The following SRRD variants were observed in gnomAD, a reference collection of about 807,000 sequenced individuals.
The protein encoded by SRRD is SRR1 domain containing, also known as SRR1-like protein.
Under a neutral mutation model 30.7 loss-of-function variants are expected in SRRD, and 28 were observed. The observed-to-expected ratio is 0.91, with a 90% confidence interval of 0.68 to 1.25. The LOEUF (loss-of-function observed/expected upper bound fraction) is 1.25, where lower values mean the gene tolerates loss of function less well. Ranked by LOEUF, SRRD falls within the 50% of genes most tolerant of loss-of-function variation. The pLI, the probability that SRRD is intolerant of heterozygous loss-of-function variation, is 0.00. For missense variants in SRRD, 415 were observed against 417.3 expected (o/e 0.99, Z 0.05); for synonymous variants, 161 against 159.6 (o/e 1.01, Z -0.07).
chr22:26,492,340 C>T lies in SRRD; in HGVS notation c.*668C>T, dbSNP rs1921314908. On this transcript the variant is annotated 3_prime_UTR_variant, in exon 7 of 7. Coordinates refer to ENST00000215917, the MANE Select transcript of SRRD (RefSeq NM_001013694.3). ...CCGTGTGGGTGAGATAGGCAATGTT[C>T]TCCCGTGCTCCTGGCTGCATGTAGG... The T allele has an allele frequency of 6.2e-7, 1 of 1,614,180 alleles. No homozygotes were observed. The highest frequency in any genetic ancestry group is 8.5e-7 in the Non-Finnish European group (1 of 1,180,018).
At chr22:26,489,625 T>C (rs2091733928) in intron 4 of SRRD, among the ~76,000 whole-genome samples, 1 of 152,030 alleles carries the variant, frequency 6.6e-6, no homozygotes, top group African/African-American at 2.4e-5. Flanking sequence ...GGAGGGGTGA[T>C]TGTGCCTCAG....
rs1337718624 is a variant in SRRD at position 26,488,056 on chromosome 22, A to G, written c.278A>G (p.His93Arg). Residue 93 changes from histidine to arginine, a missense_variant, in exon 3 of 7, where the codon CAT (histidine) becomes CGT (arginine). Transcript: ENST00000215917. The part of the protein sequence containing the change: ...LETINRCLTK[H>R]LEQLKAPVGT... ...ACCATCAATAGATGTCTCACAAAAC[A>G]TCTGGAACAACTGAAGGCCCCTGTG... 2 of 1,612,968 alleles carry G rather than the reference A, an allele frequency of 1.2e-6. No homozygotes were observed. The highest frequency in any genetic ancestry group is 2.2e-5 in the East Asian group (1 of 44,856).
Position 26,488,400 on chromosome 22 carries a change from G to A in SRRD, c.521G>A (p.Ser174Asn). 6.2e-7 allele frequency: 1 copy of A among 1,614,214 alleles called. No individual in the cohort carries two copies. The highest frequency in any genetic ancestry group is 8.5e-7 in the Non-Finnish European group (1 of 1,180,026). The change falls in exon 4 of 7, where the codon AGT becomes AAT. Residue 174 changes from serine to asparagine, a missense_variant. Ser to Asn is a conservative substitution (Grantham distance 46, BLOSUM62 1). Coordinates refer to ENST00000215917, the MANE Select transcript of SRRD (RefSeq NM_001013694.3). Reference protein sequence around the residue: ...LLLEKCQIPRSHCWVYDPLFS... With the variant: ...LLLEKCQIPRNHCWVYDPLFS... Reference sequence around the variant, plus strand: ...ATTCTTCCCTTCTAGATTCCCAGAAGTCACTGTTGGGTATATGACCCTCTG... The same window carrying A: ...ATTCTTCCCTTCTAGATTCCCAGAAATCACTGTTGGGTATATGACCCTCTG...
At chr22:26,491,108 T>C (rs750609558) in intron 6 of SRRD, 38 bp downstream of exon 6, 12 of 1,581,118 alleles carry the variant, frequency 7.6e-6, no homozygotes, top group South Asian at 3.4e-5. Context: ...TGGAAAAGGG[T>C]GTGAAACTGT....
In SRRD at chr22:26,494,019, A is replaced by G. The variant is rs1921588512; in HGVS notation, c.*2347A>G. Reference sequence around the variant, plus strand: ...GGGTGAGAGTCTGTTGCTATGTGCAAAAGTGTGACCTAAGGTTTAGGCTGC... The same window carrying G: ...GGGTGAGAGTCTGTTGCTATGTGCAGAAGTGTGACCTAAGGTTTAGGCTGC... On this transcript the variant is annotated 3_prime_UTR_variant, in exon 7 of 7. Coordinates refer to ENST00000215917, the MANE Select transcript of SRRD (RefSeq NM_001013694.3). 16 of 1,169,912 alleles carry G rather than the reference A, an allele frequency of 1.4e-5. No individual in the cohort carries two copies. Among genetic ancestry groups the G allele is most frequent in the Admixed American group, 7.1e-5 (3 of 42,056 alleles). The allele number at this position is 1,169,912 out of a possible 1,614,324, so 72.5% of individuals were successfully genotyped here.
chr22:26,484,060 C>T lies in SRRD; in HGVS notation c.170C>T (p.Ser57Phe), dbSNP rs2091628413. ...APRGPEAEFE[S>F]DSGVVLRRIW... is the part of the protein sequence containing the mutation. ...CGGGGCCCCGAGGCGGAGTTCGAGTCTGACAGCGGAGTCGTGCTTCGTCGC... is the reference window on the plus strand; with the variant it reads ...CGGGGCCCCGAGGCGGAGTTCGAGTTTGACAGCGGAGTCGTGCTTCGTCGC... The change falls in exon 1 of 7, where the codon TCT (serine) becomes TTT (phenylalanine). Residue 57 changes from serine to phenylalanine, a missense_variant. Ser to Phe is a radical substitution (Grantham distance 155). Transcript: ENST00000215917. 1.4e-6 allele frequency: 2 copies of T among 1,460,874 alleles called. No individual in the cohort carries two copies. The highest frequency in any genetic ancestry group is 1.8e-6 in the Non-Finnish European group (2 of 1,110,394). 90.5% of individuals were successfully genotyped at this position (1,460,874 alleles called of 1,614,324 possible). A position where few individuals can be genotyped will look rare whatever the true frequency, so the allele number is the denominator to read the frequency against.
At position 26,488,372 on chromosome 22, in the gene SRRD, CT is replaced by C; in HGVS notation, c.511-17del. 4 of 1,613,818 alleles carry C rather than the reference CT, an allele frequency of 2.5e-6. No individual in the cohort carries two copies. Among genetic ancestry groups the C allele is most frequent in the Non-Finnish European group, 3.4e-6 (4 of 1,179,658 alleles). Reference sequence around the variant, plus strand: ...CAGATGTTTGGGTTGAAGTAAACAACTCATTCTTCCCTTCTAGATTCCCAGA... The same window carrying C: ...CAGATGTTTGGGTTGAAGTAAACAACCATTCTTCCCTTCTAGATTCCCAGA... On this transcript the variant is annotated splice_polypyrimidine_tract_variant and intron_variant, in intron 3 of 6. Coordinates refer to ENST00000215917, the MANE Select transcript of SRRD (RefSeq NM_001013694.3).
At chr22:26,491,148 G>T in intron 6 of SRRD, 78 bp downstream of exon 6, 2 of 1,454,404 alleles carry the variant, frequency 1.4e-6, no homozygotes, top group Non-Finnish European at 1.9e-6. Flanking sequence ...TACAGGCGTA[G>T]GAGGAAACTC....
rs746909138 is a variant in SRRD at position 26,488,428 on chromosome 22, T to G, written c.549T>G (p.Phe183Leu). The change falls in exon 4 of 7, where the codon TTT becomes TTG. Residue 183 changes from phenylalanine to leucine, a missense_variant. Transcript: ENST00000215917. ...RSHCWVYDPLFSQLEIEVLNT... is the reference protein window; with the variant it reads ...RSHCWVYDPLLSQLEIEVLNT... ...ACTGTTGGGTATATGACCCTCTGTT[T>G]AGCCAACTTGAAATTGAAGTCCTTA... 1.2e-6 allele frequency: 2 copies of G among 1,614,084 alleles called. No homozygotes were observed. Among genetic ancestry groups the G allele is most frequent in the Non-Finnish European group, 1.7e-6 (2 of 1,180,016 alleles).
chr22:26,494,515 GC>G lies in SRRD; in HGVS notation c.*2845del. 1 of 710,138 alleles carries G rather than the reference GC, an allele frequency of 1.4e-6. No individual in the cohort carries two copies. The highest frequency in any genetic ancestry group is 1.9e-5 in the South Asian group (1 of 53,456). The allele number at this position is 710,138 out of a possible 1,614,324, so 44.0% of individuals were successfully genotyped here. A position where few individuals can be genotyped will look rare whatever the true frequency, so the allele number is the denominator to read the frequency against. On this transcript the variant is annotated 3_prime_UTR_variant, in exon 7 of 7. Transcript: ENST00000215917. ...GTGCCCTTGCATGTAAACTCTCTGA[GC>G]CTCAGCTTCCATGTCTACACAACAG...
Position 26,494,506 on chromosome 22 carries a change from ACT to A in SRRD, c.*2839_*2840del, listed in dbSNP as rs1289238942. The A allele has an allele frequency of 4.3e-5, 31 of 721,404 alleles. No homozygotes were observed. Among genetic ancestry groups the A allele is most frequent in the Non-Finnish European group, 6.8e-5 (30 of 440,782 alleles). 44.7% of individuals were successfully genotyped at this position (721,404 alleles called of 1,614,324 possible). ...GTAGCTAAAGTGCCCTTGCATGTAA[ACT>A]CTCTGAGCCTCAGCTTCCATGTCTA... is the stretch of plus-strand genomic sequence containing the variant. On this transcript the variant is annotated 3_prime_UTR_variant, in exon 7 of 7. Transcript: ENST00000215917.
chr22:26,485,533 C>T (rs957252089), intron 1 of SRRD, among the ~76,000 whole-genome samples: 2 of 152,174 alleles, frequency 1.3e-5, no homozygotes, highest in Admixed American at 6.5e-5. Flanking sequence ...TGTCTCTTTA[C>T]TTTCCCCTTA....
rs531191643 is a variant in SRRD, at chr22:26,488,485, C to G, written c.606C>G (p.Asn202Lys). 1 of 1,612,770 alleles carries G rather than the reference C, an allele frequency of 6.2e-7. No homozygotes were observed. ...TTGGTGTGACTGTTCTCAGTGAGAA[C>G]GAGGTAAGTGGTTTAAAGGGGAGCA... The part of the protein sequence containing the change: ...NTLGVTVLSE[N>K]EEGKRSIRGE... The change falls in exon 4 of 7, where the codon AAC (asparagine) becomes AAG (lysine). Residue 202 changes from asparagine to lysine, a missense_variant. Coordinates refer to ENST00000215917, the MANE Select transcript of SRRD (RefSeq NM_001013694.3).
rs1569155767 is a variant in SRRD, at chr22:26,494,226, A to G, written c.*2554A>G. 3.1e-6 allele frequency: 5 copies of G among 1,614,236 alleles called. No homozygotes were observed. Among genetic ancestry groups the G allele is most frequent in the Non-Finnish European group, 4.2e-6 (5 of 1,180,034 alleles). On this transcript the variant is annotated 3_prime_UTR_variant, in exon 7 of 7. Transcript: ENST00000215917. ...GATGGATGTGCCAGCACTTGGTCTG[A>G]GAACATCGACTTCCAACCCAGGTAC...
In SRRD at chr22:26,493,724, G is replaced by C; in HGVS notation, c.*2052G>C. Reference sequence around the variant, plus strand: ...TAAAGTAGATCTTACTGTTTAACAGGTAAAATGGGGCTGATTAAGGCTGAG... The same window carrying C: ...TAAAGTAGATCTTACTGTTTAACAGCTAAAATGGGGCTGATTAAGGCTGAG... On this transcript the variant is annotated 3_prime_UTR_variant, in exon 7 of 7. Transcript: ENST00000215917. The C allele has an allele frequency of 5.5e-6, 1 of 182,226 alleles. No individual in the cohort carries two copies. Among genetic ancestry groups the C allele is most frequent in the African/African-American group, 2.4e-5 (1 of 42,220 alleles). 11.3% of individuals were successfully genotyped at this position (182,226 alleles called of 1,614,324 possible). A position where few individuals can be genotyped will look rare whatever the true frequency, so the allele number is the denominator to read the frequency against.
chr22:26,491,425 A>C, intron 6 of SRRD, 38 bp from the exon 7 acceptor site: 1 of 1,494,246 alleles, frequency 6.7e-7, no homozygotes, highest in Admixed American at 1.7e-5. Flanking sequence ...GATTACTGTG[A>C]CTATCTGAAG....
At position 26,492,061 on chromosome 22, in the gene SRRD, C is replaced by G; in HGVS notation, c.*389C>G. On this transcript the variant is annotated 3_prime_UTR_variant, in exon 7 of 7. Coordinates refer to ENST00000215917, the MANE Select transcript of SRRD (RefSeq NM_001013694.3). ...TCTGCAGTGAGGTGGGCACCCACGT[C>G]TTCTCGCCCTGGACAAAGACCACTC... 1.2e-6 allele frequency: 2 copies of G among 1,610,270 alleles called. No homozygotes were observed. Among genetic ancestry groups the G allele is most frequent in the Non-Finnish European group, 1.7e-6 (2 of 1,178,292 alleles).
At chr22:26,491,330 TA>T in intron 6 of SRRD, 132 bp from the exon 7 acceptor site, 2 of 805,012 alleles carry the variant, frequency 2.5e-6, no homozygotes, top group East Asian at 2.5e-5. Context: ...CAAAAGCATT[TA>T]AATCAAAATA....
In SRRD at chr22:26,488,122, C is replaced by T; in HGVS notation, c.344C>T (p.Ser115Leu). 2 of 1,614,210 alleles carry T rather than the reference C, an allele frequency of 1.2e-6. No individual in the cohort carries two copies. Among genetic ancestry groups the T allele is most frequent in the Non-Finnish European group, 1.7e-6 (2 of 1,180,034 alleles). The change falls in exon 3 of 7, where the codon TCA becomes TTA. Residue 115 changes from serine (S) to leucine (L), a missense_variant. Physicochemically the swap from Ser to Leu is moderately radical, Grantham distance 145 (BLOSUM62 -2). Coordinates refer to ENST00000215917, the MANE Select transcript of SRRD (RefSeq NM_001013694.3). ...SDIFGNLHLD[S>L]LPEESDVATD... is the part of the protein sequence containing the mutation. ...ATCTTTGGAAACCTGCATCTTGACT[C>T]ATTGCCAGAGGAGTCAGATGTGGCC...
Sources: gnomAD v4.1 joint callset for allele counts (sites outside exome capture counted in the v4.1 genomes callset) on GRCh38, gnomAD v4.1.1 for gene constraint, MANE v1.5 for transcripts, NCBI Gene and HGNC (gene_info 2026-07-23, HGNC 2026-07-21) for gene names.